Variants in TRAPPC9 observed in about 807,000 individuals in gnomAD.
TRAPPC9 encodes trafficking protein particle complex subunit 9.
In TRAPPC9, 83 loss-of-function variants were observed where a neutral mutation model predicts 124.0. That is an observed-to-expected ratio of 0.67 (90% CI 0.56 to 0.80). TRAPPC9 has a LOEUF of 0.80. TRAPPC9 is among the 30% of genes least tolerant of loss of function. TRAPPC9 has a pLI of 0.00. For synonymous variants in TRAPPC9, 638 were observed against 617.5 expected, an observed-to-expected ratio of 1.03 and a Z score of -0.49; for missense variants, 1,302 against 1,508.3, an observed-to-expected ratio of 0.86 and a Z score of 2.27.
intron 10 of TRAPPC9, among the ~76,000 whole-genome samples, chr8:140,307,138 G>T (rs1471934782): frequency 6.6e-6 from 1 of 152,174 alleles, no homozygotes; most frequent in Non-Finnish European, 1.5e-5. Flanking sequence ...AGAAAGCAGT[G>T]TTCCTTTACA....
chr8:140,189,765 CA>C (rs1384159330), intron 17 of TRAPPC9, among the ~76,000 whole-genome samples: 1 of 152,132 alleles, frequency 6.6e-6, no homozygotes, highest in Non-Finnish European at 1.5e-5. Context: ...AACAATCTCC[CA>C]AATCTTTTGC....
intron 17 of TRAPPC9, among the ~76,000 whole-genome samples, chr8:140,086,640 G>A (rs926203318): frequency 1.1e-4 from 16 of 152,092 alleles, no homozygotes; most frequent in African/African-American, 1.4e-4. Flanking sequence ...TCCCTCTCTC[G>A]GCCAGGCGTG....
intron 17 of TRAPPC9, among the ~76,000 whole-genome samples, chr8:140,089,461 C>A (rs767663417): frequency 2.0e-5 from 3 of 152,156 alleles, no homozygotes; most frequent in Admixed American, 6.5e-5. Context: ...AGTCCTACTA[C>A]GTGAAATAAG....
intron 16 of TRAPPC9, among the ~76,000 whole-genome samples, chr8:140,224,861 C>A (rs2063410121): frequency 6.6e-6 from 1 of 152,158 alleles, no homozygotes; most frequent in Non-Finnish European, 1.5e-5. Flanking sequence ...TGTCCTGAGA[C>A]CCGTGCCTAC....
Position 139,749,854 on chromosome 8 carries a change from T to A in TRAPPC9, c.3056-17652A>T, listed in dbSNP as rs543165124. ...TGCCCAGTGGAGAGCACCTCCCTGCTGAGACTCTGGGCAAGGAGCTTTTAG... is the reference window on the plus strand; with the variant it reads ...TGCCCAGTGGAGAGCACCTCCCTGCAGAGACTCTGGGCAAGGAGCTTTTAG... On this transcript the variant is annotated intron_variant, in intron 21 of 22. Coordinates refer to ENST00000438773, the MANE Select transcript of TRAPPC9 (RefSeq NM_001160372.4). 1.2e-4 allele frequency among the ~76,000 whole-genome samples: 19 copies of A among 152,286 alleles called. No individual in the cohort carries two copies. In the East Asian group the frequency reaches 3.5e-3, roughly 28 times the overall value.
intron 14 of TRAPPC9, among the ~76,000 whole-genome samples, chr8:140,280,862 G>C (rs1341092144): frequency 2.0e-5 from 3 of 152,210 alleles, no homozygotes. Context: ...CTAGAGACCT[G>C]CTTTCTGGAT....
chr8:139,932,755 C>T, intron 19 of TRAPPC9: 2 of 349,492 alleles, frequency 5.7e-6, no homozygotes, highest in Non-Finnish European at 1.1e-5. Flanking sequence ...CAGAATGAGA[C>T]TGTGTCTTCA....
At chr8:140,407,525 C>T (rs942087105) in intron 5 of TRAPPC9, among the ~76,000 whole-genome samples, 14 of 152,026 alleles carry the variant, frequency 9.2e-5, no homozygotes, top group African/African-American at 2.9e-4. Flanking sequence ...GAAATCCCCC[C>T]GACGGAGAAG....
intron 14 of TRAPPC9, among the ~76,000 whole-genome samples, chr8:140,278,355 C>T (rs1372804058): frequency 6.6e-6 from 1 of 152,224 alleles, no homozygotes; most frequent in African/African-American, 2.4e-5. Flanking sequence ...ATCCACCTGC[C>T]TTGGCCTCCC....
intron 7 of TRAPPC9, among the ~76,000 whole-genome samples, chr8:140,393,450 C>T (rs74453622): frequency 2.6e-5 from 4 of 152,244 alleles, no homozygotes; most frequent in African/African-American, 9.6e-5. Flanking sequence ...GTATTTGCTG[C>T]CATTTGTGAA....
Position 140,013,168 on chromosome 8 carries a change from G to C in TRAPPC9, c.2699+10769C>G, listed in dbSNP as rs1185899184. Reference sequence around the variant, plus strand: ...GCTGCTCTTGGGTACCTGCTCGGCAGGTAAGGGCCAGATGGAGTTCAAGCC... The same window carrying C: ...GCTGCTCTTGGGTACCTGCTCGGCACGTAAGGGCCAGATGGAGTTCAAGCC... On this transcript the variant is annotated intron_variant, in intron 18 of 22. Coordinates refer to ENST00000438773, the MANE Select transcript of TRAPPC9 (RefSeq NM_001160372.4). 3.3e-5 allele frequency among the ~76,000 whole-genome samples: 5 copies of C among 152,280 alleles called. No homozygotes were observed. In the East Asian group the frequency reaches 9.7e-4, roughly 29 times the overall value.
chr8:140,200,361 T>C (rs2062759472), intron 17 of TRAPPC9, among the ~76,000 whole-genome samples: 1 of 152,098 alleles, frequency 6.6e-6, no homozygotes, highest in South Asian at 2.1e-4. Context: ...GGAGCTCAGT[T>C]CCCATCCTCC....
At chr8:140,310,221 G>C (rs1011729307) in intron 10 of TRAPPC9, among the ~76,000 whole-genome samples, 2 of 152,138 alleles carry the variant, frequency 1.3e-5, no homozygotes, top group Non-Finnish European at 2.9e-5. Flanking sequence ...GGGGCATAGT[G>C]GGGAGATAAG....
chr8:140,004,235 G>C (rs945684070), intron 18 of TRAPPC9, among the ~76,000 whole-genome samples: 1 of 152,162 alleles, frequency 6.6e-6, no homozygotes, highest in Non-Finnish European at 1.5e-5. Flanking sequence ...GAAGTGTTGC[G>C]GGTAATGGAA....
intron 21 of TRAPPC9, among the ~76,000 whole-genome samples, chr8:139,733,012 C>T (rs1563770171): frequency 6.6e-6 from 1 of 151,466 alleles, no homozygotes; most frequent in South Asian, 2.1e-4. Flanking sequence ...AGAGAGTGTG[C>T]CCTCTCTCAG....
At chr8:140,180,230 G>A (rs1298006389) in intron 17 of TRAPPC9, among the ~76,000 whole-genome samples, 1 of 150,078 alleles carries the variant, frequency 6.7e-6, no homozygotes, top group Non-Finnish European at 1.5e-5. Context: ...GTATTCTTTT[G>A]TTTTGTGTTT....
At chr8:140,060,559 C>T (rs903979985) in intron 17 of TRAPPC9, among the ~76,000 whole-genome samples, 5 of 152,006 alleles carry the variant, frequency 3.3e-5, no homozygotes, top group Non-Finnish European at 5.9e-5. Context: ...CATCCTTATC[C>T]GTCCCAACCC....
chr8:140,118,706 G>A (rs2060933252), intron 17 of TRAPPC9, among the ~76,000 whole-genome samples: 2 of 152,218 alleles, frequency 1.3e-5, no homozygotes, highest in Admixed American at 6.5e-5. Flanking sequence ...TGAACTGGGG[G>A]CTGAGACAGC....
At chr8:140,400,756 G>A (rs527245079) in intron 6 of TRAPPC9, among the ~76,000 whole-genome samples, 40 of 152,036 alleles carry the variant, frequency 2.6e-4, no homozygotes, top group African/African-American at 7.5e-4. Context: ...CTCCAGACCC[G>A]GGAGCAGGGA....
Sources: gnomAD v4.1 joint callset for allele counts (sites outside exome capture counted in the v4.1 genomes callset) on GRCh38, gnomAD v4.1.1 for gene constraint, MANE v1.5 for transcripts, NCBI Gene and HGNC (gene_info 2026-07-23, HGNC 2026-07-21) for gene names.